The following NTRK2 variants were observed in gnomAD, a reference collection of about 807,000 sequenced individuals.
NTRK2 encodes the protein neurotrophic receptor tyrosine kinase 2, also known as BDNF/NT-3 growth factors receptor.
NTRK2 carries 13 observed loss-of-function variants against 94.5 expected under a neutral mutation model. That is an observed-to-expected ratio of 0.14 (90% confidence interval 0.09 to 0.22). The LOEUF (loss-of-function observed/expected upper bound fraction) is 0.22. NTRK2 is among the 10% of genes least tolerant of loss of function. NTRK2 has a pLI of 1.00. For missense variants in NTRK2, 639 were observed against 1,071.2 expected, an observed-to-expected ratio of 0.60 and a Z score of 5.63; for synonymous variants, 372 against 407.4, an observed-to-expected ratio of 0.91 and a Z score of 1.05.
intron 2 of NTRK2, among the ~76,000 whole-genome samples, chr9:84,691,800 C>A (rs1223476534): frequency 6.6e-6 from 1 of 152,148 alleles, no homozygotes; most frequent in Non-Finnish European, 1.5e-5. Flanking sequence ...CTGTTAGGAG[C>A]AGGTGTGACC....
At chr9:84,720,361 A>G (rs2061982679) in intron 6 of NTRK2, among the ~76,000 whole-genome samples, 1 of 152,228 alleles carries the variant, frequency 6.6e-6, no homozygotes, top group Non-Finnish European at 1.5e-5. Context: ...GGCCATGGGA[A>G]CCATAAAGAA....
At chr9:84,688,672 A>G (rs1442062101) in intron 2 of NTRK2, among the ~76,000 whole-genome samples, 4 of 152,164 alleles carry the variant, frequency 2.6e-5, no homozygotes, top group Admixed American at 2.0e-4. Context: ...GTCTAAATGT[A>G]ATGTTTCAAG....
intron 12 of NTRK2, among the ~76,000 whole-genome samples, chr9:84,824,650 G>A (rs2073068041): frequency 6.6e-6 from 1 of 152,168 alleles, no homozygotes; most frequent in South Asian, 2.1e-4. Context: ...GCTAAGTTTG[G>A]CAATTTCTTC....
rs1038566297 is a variant in NTRK2 at position 84,705,778 on chromosome 9, C to T, written c.360-2066C>T. Among the ~76,000 whole-genome samples, 7 of 140,250 alleles carry T rather than the reference C, an allele frequency of 5.0e-5. No individual in the cohort carries two copies. In the Admixed American group the frequency reaches 5.3e-4, roughly 11 times the overall value. The allele number at this position is 140,250 out of a possible 152,430, so 92.0% of individuals were successfully genotyped here. A position where few individuals can be genotyped will look rare whatever the true frequency, so the allele number is the denominator to read the frequency against. On this transcript the variant is annotated intron_variant, in intron 4 of 18. Transcript: ENST00000277120. ...CAATGCATTGTATACCAGTGAAACCCATTCTTTTTTTTTTTTTTTTTTTTT... is the reference window on the plus strand; with the variant it reads ...CAATGCATTGTATACCAGTGAAACCTATTCTTTTTTTTTTTTTTTTTTTTT...
At chr9:85,008,682 T>A (rs1831236155) in intron 17 of NTRK2, among the ~76,000 whole-genome samples, 1 of 152,174 alleles carries the variant, frequency 6.6e-6, no homozygotes, top group Non-Finnish European at 1.5e-5. Flanking sequence ...GGAAAGTCGT[T>A]GTAATCACAA....
chr9:85,017,009 G>A (rs1365279357), intron 17 of NTRK2, among the ~76,000 whole-genome samples: 1 of 152,028 alleles, frequency 6.6e-6, no homozygotes, highest in Non-Finnish European at 1.5e-5. Context: ...GCTTTTTCTT[G>A]GCTATTAGCA....
chr9:84,781,647 T>C (rs1361885406), intron 12 of NTRK2, among the ~76,000 whole-genome samples: 4 of 152,170 alleles, frequency 2.6e-5, no homozygotes, highest in Non-Finnish European at 5.9e-5. Context: ...TGGCAAATAT[T>C]TGCACTGATT....
At position 84,741,481 on chromosome 9, in the gene NTRK2, G is replaced by A. The variant is rs1310863359; in HGVS notation, c.1160-411G>A. Among the ~76,000 whole-genome samples, 5 of 152,258 alleles carry A rather than the reference G, an allele frequency of 3.3e-5. No homozygotes were observed. In the East Asian group the frequency reaches 7.7e-4, roughly 24 times the overall value. ...AAATGGCCCTGCTACACAGTTAACA[G>A]TAACCCTCAAACCATCAGAGAATAA... On this transcript the variant is annotated intron_variant, in intron 9 of 18. Transcript: ENST00000277120.
At chr9:84,984,063 T>C (rs1827988867) in intron 17 of NTRK2, among the ~76,000 whole-genome samples, 1 of 152,178 alleles carries the variant, frequency 6.6e-6, no homozygotes, top group East Asian at 1.9e-4. Context: ...AAATTACCTA[T>C]CTTGGGGTTG....
At chr9:85,021,109 T>C in intron 18 of NTRK2, 143 bp from the exon 19 acceptor site, 1 of 723,484 alleles carries the variant, frequency 1.4e-6, no homozygotes. Flanking sequence ...CCTATAATAA[T>C]TGCTCTCTTC....
chr9:84,729,919 A>G (rs917107135), intron 9 of NTRK2, among the ~76,000 whole-genome samples: 1 of 152,194 alleles, frequency 6.6e-6, no homozygotes, highest in African/African-American at 2.4e-5. Flanking sequence ...GGTAGAGCTG[A>G]ACTCTTCTTA....
rs990360671 is a variant in NTRK2, at chr9:84,753,827, C to T, written c.1396+1742C>T. Among the ~76,000 whole-genome samples, 6 of 152,192 alleles carry T rather than the reference C, an allele frequency of 3.9e-5. No individual in the cohort carries two copies. The South Asian group carries it at 6.2e-4, about 16-fold the overall frequency. Reference sequence around the variant, plus strand: ...TTGAAGGGTTTAGTTTGAAATATTTCATCCCATGAGCTTTTTGGAGAGAGG... The same window carrying T: ...TTGAAGGGTTTAGTTTGAAATATTTTATCCCATGAGCTTTTTGGAGAGAGG... On this transcript the variant is annotated intron_variant, in intron 12 of 18. Coordinates refer to ENST00000277120, the MANE Select transcript of NTRK2 (RefSeq NM_006180.6).
chr9:84,725,896 A>G (rs567482653), intron 8 of NTRK2, among the ~76,000 whole-genome samples: 5 of 152,180 alleles, frequency 3.3e-5, no homozygotes, highest in Non-Finnish European at 5.9e-5. Context: ...TGCAGAGTTC[A>G]GCTGCACAGG....
intron 12 of NTRK2, among the ~76,000 whole-genome samples, chr9:84,860,316 G>C (rs919614070): frequency 6.6e-6 from 1 of 152,140 alleles, no homozygotes; most frequent in South Asian, 2.1e-4. Flanking sequence ...CTTTATTCAC[G>C]GGAGGCTCTC....
chr9:84,985,418 T>C (rs1828173840), intron 17 of NTRK2, among the ~76,000 whole-genome samples: 1 of 152,238 alleles, frequency 6.6e-6, no homozygotes, highest in Non-Finnish European at 1.5e-5. Context: ...AAAAAAGCTC[T>C]GTTTATACTT....
At chr9:84,912,858 C>T (rs1319003657) in intron 14 of NTRK2, among the ~76,000 whole-genome samples, 4 of 151,970 alleles carry the variant, frequency 2.6e-5, no homozygotes, top group African/African-American at 7.2e-5. Flanking sequence ...CCTTGTGATC[C>T]GCCCACCTCG....
At chr9:84,707,777 A>G (rs1410807353) in intron 4 of NTRK2, 67 bp from the exon 5 acceptor site, 10 of 1,201,860 alleles carry the variant, frequency 8.3e-6, no homozygotes, top group Admixed American at 1.7e-5. Flanking sequence ...ACAAATCTCT[A>G]TTTGAATACT....
chr9:84,886,256 G>T (rs952200918), intron 14 of NTRK2, among the ~76,000 whole-genome samples: 1 of 152,164 alleles, frequency 6.6e-6, no homozygotes, highest in Non-Finnish European at 1.5e-5. Flanking sequence ...AGGAAGTAAT[G>T]GTTATAACTC....
chr9:84,938,075 A>C (rs556674280), intron 15 of NTRK2, among the ~76,000 whole-genome samples: 10 of 152,322 alleles, frequency 6.6e-5, no homozygotes, highest in Middle Eastern at 3.4e-3. Context: ...GACTCAAGGA[A>C]GTTGAGTGAC....
Sources: gnomAD v4.1 joint callset for allele counts (sites outside exome capture counted in the v4.1 genomes callset) on GRCh38, gnomAD v4.1.1 for gene constraint, MANE v1.5 for transcripts, NCBI Gene and HGNC (gene_info 2026-07-23, HGNC 2026-07-21) for gene names.